BBS4: variants seen among roughly 807,000 people sequenced by gnomAD.
BBS4 encodes BBSome complex member BBS4.
Under a neutral mutation model 71.4 loss-of-function variants are expected in BBS4, and 58 were observed. The ratio of observed to expected loss-of-function variants is 0.81; its 90% CI spans 0.66 to 1.01. BBS4 has a LOEUF of 1.01. Ranked by LOEUF, BBS4 falls within the 50% of genes least tolerant of loss-of-function variation. The pLI, the probability that BBS4 is intolerant of heterozygous loss-of-function variation, is 0.00. For missense variants in BBS4, 660 were observed against 607.9 expected, an observed-to-expected ratio of 1.09 and a Z score of -0.90; for synonymous variants, 228 against 216.8, an observed-to-expected ratio of 1.05 and a Z score of -0.46.
chr15:72,703,153 G>A (rs964545137), intron 2 of BBS4, among the ~76,000 whole-genome samples: 3 of 152,136 alleles, frequency 2.0e-5, no homozygotes, highest in African/African-American at 4.8e-5. Flanking sequence ...CCAGGCTTCC[G>A]TGTCAGCAGT....
At chr15:72,736,697 G>A (rs749755257) in intron 14 of BBS4, 65 bp from the exon 15 acceptor site, 7 of 1,533,510 alleles carry the variant, frequency 4.6e-6, no homozygotes, top group Non-Finnish European at 6.3e-6. Context: ...GAAGACCAAA[G>A]AAGTGGGTTG....
chr15:72,689,688 C>T (rs2064946083), intron 1 of BBS4, among the ~76,000 whole-genome samples: 1 of 148,720 alleles, frequency 6.7e-6, no homozygotes, highest in South Asian at 2.2e-4. Context: ...TGCCACTGGA[C>T]TCCAGCAGGG....
rs1443030063 is a variant in BBS4 at position 72,737,928 on chromosome 15, CTCCT to C, written c.*347_*350del. On this transcript the variant is annotated 3_prime_UTR_variant, in exon 16 of 16. Coordinates refer to ENST00000268057, the MANE Select transcript of BBS4 (RefSeq NM_033028.5). ...GGACTTTTCTCTCCTAGCTGACTGA[CTCCT>C]TCCTTAGTTCAAGGAACAGCTGAGA... is the stretch of plus-strand genomic sequence containing the variant. The C allele has an allele frequency of 1.3e-5, 6 of 456,498 alleles. No individual in the cohort carries two copies. In the Admixed American group the frequency reaches 1.4e-4, roughly 11 times the overall value. 28.3% of individuals were successfully genotyped at this position (456,498 alleles called of 1,614,324 possible).
At chr15:72,730,560 C>G (rs1312948248) in intron 10 of BBS4, among the ~76,000 whole-genome samples, 1 of 32,394 alleles carries the variant, frequency 3.1e-5, no homozygotes, top group Non-Finnish European at 7.7e-5. Context: ...CCACTATACT[C>G]CAGCCTGGGT....
intron 12 of BBS4, among the ~76,000 whole-genome samples, chr15:72,733,519 C>T (rs2065867328): frequency 6.6e-6 from 1 of 152,146 alleles, no homozygotes. Flanking sequence ...ATAGTGAGAA[C>T]ATGCAGGATT....
chr15:72,688,681 G>C (rs2064924789), intron 1 of BBS4, among the ~76,000 whole-genome samples: 1 of 152,122 alleles, frequency 6.6e-6, no homozygotes, highest in Admixed American at 6.5e-5. Context: ...GGGATTACAG[G>C]CGTGAGCCAT....
chr15:72,697,510 A>C (rs1176653977), intron 2 of BBS4, among the ~76,000 whole-genome samples: 3 of 152,196 alleles, frequency 2.0e-5, no homozygotes, highest in Non-Finnish European at 4.4e-5. Flanking sequence ...CTTAATTGTA[A>C]CAACCAAAAG....
At chr15:72,709,876 G>A (rs2065334579) in intron 3 of BBS4, 97 bp downstream of exon 3, 1 of 996,090 alleles carries the variant, frequency 1.0e-6, no homozygotes, top group Admixed American at 1.8e-5. Context: ...ATATCTCAGT[G>A]ATAAAACATG....
At position 72,727,987 on chromosome 15, in the gene BBS4, A is replaced by C; in HGVS notation, c.635A>C (p.Tyr212Ser). 1.2e-6 allele frequency: 2 copies of C among 1,611,308 alleles called. No individual in the cohort carries two copies. The highest frequency in any genetic ancestry group is 1.7e-6 in the Non-Finnish European group (2 of 1,177,448). The part of the protein sequence containing the change: ...TELLTTLGLL[Y>S]LQLGIYQKAF... ...CTTCTTACAACTTTAGGATTACTCT[A>C]CTTACAGGTAATGAAAACTCTGTAC... The change falls in exon 9 of 16, where the codon TAC (tyrosine) becomes TCC (serine). Residue 212 changes from tyrosine to serine, a missense_variant. By Grantham distance (144) the Tyr-to-Ser change is moderately radical. Transcript: ENST00000268057.
chr15:72,702,846 C>T (rs2065196771), intron 2 of BBS4, among the ~76,000 whole-genome samples: 1 of 108,040 alleles, frequency 9.3e-6, no homozygotes, highest in Admixed American at 1.5e-4. Context: ...CTCGCTCTGT[C>T]GCCCAGGCTG....
At chr15:72,714,710 G>A (rs1303187701) in intron 4 of BBS4, among the ~76,000 whole-genome samples, 1 of 152,068 alleles carries the variant, frequency 6.6e-6, no homozygotes, top group Non-Finnish European at 1.5e-5. Context: ...GGACATCATG[G>A]CAAAAAATGC....
At chr15:72,713,012 TTTTC>T (rs1472968880) in intron 4 of BBS4, among the ~76,000 whole-genome samples, 7 of 151,362 alleles carry the variant, frequency 4.6e-5, no homozygotes, top group South Asian at 2.1e-4. Context: ...GCTTTTTTCT[TTTTC>T]TTTCTTTTTT....
chr15:72,708,926 A>C (rs2065315132), intron 2 of BBS4, among the ~76,000 whole-genome samples: 1 of 152,166 alleles, frequency 6.6e-6, no homozygotes, highest in Non-Finnish European at 1.5e-5. Flanking sequence ...TCTGTTGTTT[A>C]AGATGTTTAT....
chr15:72,736,789 G>A lies in BBS4; in HGVS notation c.1276G>A (p.Ala426Thr), dbSNP rs775475013. Residue 426 changes from alanine to threonine, a missense_variant, in exon 15 of 16, where the codon GCT (alanine) becomes ACT (threonine). By Grantham distance (58) the Ala-to-Thr change is moderately conservative. Coordinates refer to ENST00000268057, the MANE Select transcript of BBS4 (RefSeq NM_033028.5). Reference sequence around the variant, plus strand: ...GGTGGAGATGGCTCAGAAGTTGGGAGCTGCTCTCCAGGTTGGGGAGGCACT... The same window carrying A: ...GGTGGAGATGGCTCAGAAGTTGGGAACTGCTCTCCAGGTTGGGGAGGCACT... ...EMVEMAQKLG[A>T]ALQVGEALVW... 1 of 1,614,198 alleles carries A rather than the reference G, an allele frequency of 6.2e-7. No individual in the cohort carries two copies. The highest frequency in any genetic ancestry group is 8.5e-7 in the Non-Finnish European group (1 of 1,180,020).
In BBS4 at chr15:72,722,819, G is replaced by A; in HGVS notation, c.431G>A (p.Cys144Tyr). The change falls in exon 7 of 16, where the codon TGC (cysteine) becomes TAC (tyrosine). Residue 144 changes from cysteine to tyrosine, a missense_variant. Coordinates refer to ENST00000268057, the MANE Select transcript of BBS4 (RefSeq NM_033028.5). ...DWEISHNLGVCYIYLKQFNKA... is the reference protein window; with the variant it reads ...DWEISHNLGVYYIYLKQFNKA... The stretch of plus-strand genomic sequence containing the variant: ...GAGATCAGCCATAACCTAGGAGTTT[G>A]CTACATATACCTGAAGCAGTTCAAC... 1 of 1,613,790 alleles carries A rather than the reference G, an allele frequency of 6.2e-7. No individual in the cohort carries two copies. The highest frequency in any genetic ancestry group is 8.5e-7 in the Non-Finnish European group (1 of 1,179,866).
chr15:72,719,178 G>T (rs2065519822), intron 6 of BBS4, among the ~76,000 whole-genome samples: 1 of 151,908 alleles, frequency 6.6e-6, no homozygotes, highest in South Asian at 2.1e-4. Flanking sequence ...TGCCACAAAT[G>T]GTCACCATAC....
intron 12 of BBS4, among the ~76,000 whole-genome samples, chr15:72,732,322 A>G (rs977362276): frequency 6.6e-6 from 1 of 152,224 alleles, no homozygotes; most frequent in African/African-American, 2.4e-5. Flanking sequence ...ATAGAATGCC[A>G]TTCTCTTCCT....
At chr15:72,716,891 G>A in intron 6 of BBS4, 41 bp downstream of exon 6, 1 of 1,371,650 alleles carries the variant, frequency 7.3e-7, no homozygotes, top group Non-Finnish European at 1.0e-6. Flanking sequence ...TAGTAAACTT[G>A]CTAATGGTTC....
chr15:72,725,826 T>C (rs868648069), intron 8 of BBS4, among the ~76,000 whole-genome samples: 973 of 4,972 alleles, frequency 0.2, 182 homozygotes, highest in Non-Finnish European at 0.31. Context: ...CATCCCCCTT[T>C]CCCCATCCCC....
Sources: allele counts gnomAD v4.1 joint callset (sites outside exome capture counted in the v4.1 genomes callset), GRCh38; gene constraint gnomAD v4.1.1; transcripts MANE v1.5; gene names NCBI Gene and HGNC (gene_info 2026-07-23, HGNC 2026-07-21).